Variants in R3HDM2 observed in about 807,000 individuals in gnomAD.
R3HDM2 encodes R3H domain-containing protein 2.
R3HDM2 carries 38 observed loss-of-function variants against 124.5 expected under a neutral mutation model. The observed-to-expected ratio is 0.31, with a 90% confidence interval of 0.24 to 0.40. R3HDM2 has a LOEUF of 0.40. R3HDM2 is among the 10% of genes least tolerant of loss of function. The probability of loss-of-function intolerance (pLI) is 1.00; values close to 1 mark genes in which losing one functional copy is unlikely to be tolerated. For missense variants in R3HDM2, 869 were observed against 1,236.9 expected, an observed-to-expected ratio of 0.70 and a Z score of 4.46; for synonymous variants, 391 against 448.0, an observed-to-expected ratio of 0.87 and a Z score of 1.61.
At chr12:57,419,464 C>G (rs972506030) in intron 1 of R3HDM2, among the ~76,000 whole-genome samples, 3 of 150,212 alleles carry the variant, frequency 2.0e-5, no homozygotes, top group African/African-American at 7.4e-5. Flanking sequence ...TTTTTAGAGA[C>G]AGGGTCTCAC....
chr12:57,394,256 C>A (rs1485689075), intron 2 of R3HDM2, among the ~76,000 whole-genome samples: 2 of 151,592 alleles, frequency 1.3e-5, no homozygotes, highest in East Asian at 3.9e-4. Flanking sequence ...GAGATCGCGC[C>A]ACTGCACTCC....
intron 2 of R3HDM2, among the ~76,000 whole-genome samples, chr12:57,316,211 A>C (rs1226334668): frequency 6.6e-6 from 1 of 152,228 alleles, no homozygotes; most frequent in African/African-American, 2.4e-5. Flanking sequence ...GCACCTCCCC[A>C]GACTTCCCTG....
chr12:57,409,464 T>TAA (rs1435275115), intron 1 of R3HDM2, among the ~76,000 whole-genome samples: 1 of 132,066 alleles, frequency 7.6e-6, no homozygotes, highest in Non-Finnish European at 1.6e-5. Context: ...AACTAACTGA[T>TAA]AAAGTAGAGT....
chr12:57,369,595 A>C (rs1349871806), intron 2 of R3HDM2, among the ~76,000 whole-genome samples: 1 of 152,186 alleles, frequency 6.6e-6, no homozygotes, highest in African/African-American at 2.4e-5. Flanking sequence ...AAGTAAGACT[A>C]TAAATACTTA....
At chr12:57,329,661 C>A (rs1183327205) in intron 2 of R3HDM2, among the ~76,000 whole-genome samples, 1 of 151,954 alleles carries the variant, frequency 6.6e-6, no homozygotes, top group African/African-American at 2.4e-5. Flanking sequence ...ATATAAATAG[C>A]CTCTACTAGG....
rs562167152 is a variant in R3HDM2 at position 57,358,987 on chromosome 12, G to A, written c.-36+36762C>T. 2.5e-4 allele frequency among the ~76,000 whole-genome samples: 37 copies of A among 150,958 alleles called. 1 individual carries two copies. The highest frequency in any genetic ancestry group is 5.3e-4 in the Admixed American group (8 of 15,048). ...GACTGGAATGCAGTGGTGCAATCTC[G>A]GCTCACTGCAACCTCCACCTCCTGG... On this transcript the variant is annotated intron_variant, in intron 2 of 23. Coordinates refer to ENST00000402412, the MANE Select transcript of R3HDM2 (RefSeq NM_001394031.1).
intron 1 of R3HDM2, among the ~76,000 whole-genome samples, chr12:57,429,451 C>T (rs1055022953): frequency 1.3e-5 from 2 of 152,132 alleles, no homozygotes; most frequent in South Asian, 2.1e-4. Context: ...TTTTGTCTTT[C>T]CCGGCGCGGT....
intron 1 of R3HDM2, among the ~76,000 whole-genome samples, chr12:57,400,504 G>C (rs2067952119): frequency 6.6e-6 from 1 of 152,028 alleles, no homozygotes; most frequent in African/African-American, 2.4e-5. Context: ...AATGGGTGCA[G>C]CACACCATCA....
At chr12:57,314,001 C>T (rs1244063332) in intron 2 of R3HDM2, among the ~76,000 whole-genome samples, 1 of 150,122 alleles carries the variant, frequency 6.7e-6, no homozygotes. Context: ...CCAGACTGAC[C>T]AACATGGAGA....
intron 1 of R3HDM2, chr12:57,418,511 T>A (rs1407049125): frequency 5.4e-6 from 1 of 183,894 alleles, no homozygotes; most frequent in Non-Finnish European, 1.0e-5. Flanking sequence ...TACTGAGATA[T>A]GGAGACTGTT....
At chr12:57,383,045 G>A (rs1010847814) in intron 2 of R3HDM2, among the ~76,000 whole-genome samples, 9 of 151,698 alleles carry the variant, frequency 5.9e-5, no homozygotes, top group South Asian at 2.1e-4. Flanking sequence ...CACCAGGCCC[G>A]GCTAATTTTT....
chr12:57,375,463 A>G (rs1380690212), intron 2 of R3HDM2, among the ~76,000 whole-genome samples: 1 of 152,156 alleles, frequency 6.6e-6, no homozygotes, highest in African/African-American at 2.4e-5. Context: ...TTTTTAGAGG[A>G]AAAAAATGGC....
chr12:57,391,014 A>G (rs2066598011), intron 2 of R3HDM2, among the ~76,000 whole-genome samples: 1 of 151,630 alleles, frequency 6.6e-6, no homozygotes, highest in Non-Finnish European at 1.5e-5. Context: ...CTCCGTCTCA[A>G]ATAAAAAAAA....
At chr12:57,409,390 G>A (rs919200371) in intron 1 of R3HDM2, among the ~76,000 whole-genome samples, 2 of 151,552 alleles carry the variant, frequency 1.3e-5, no homozygotes, top group African/African-American at 4.8e-5. Context: ...GTTCAAATGA[G>A]CATATTTATA....
intron 2 of R3HDM2, among the ~76,000 whole-genome samples, chr12:57,362,045 T>C (rs964783565): frequency 5.3e-5 from 8 of 152,120 alleles, no homozygotes; most frequent in African/African-American, 1.2e-4. Flanking sequence ...GGTGGGAGGA[T>C]TGCTTGAGCC....
intron 2 of R3HDM2, among the ~76,000 whole-genome samples, chr12:57,389,100 C>G (rs1340484792): frequency 6.6e-6 from 1 of 152,030 alleles, no homozygotes; most frequent in Non-Finnish European, 1.5e-5. Flanking sequence ...GAAATGCAAA[C>G]AAGAAGGAAA....
At chr12:57,394,919 A>G (rs2067255291) in intron 2 of R3HDM2, among the ~76,000 whole-genome samples, 2 of 152,218 alleles carry the variant, frequency 1.3e-5, no homozygotes, top group Admixed American at 1.3e-4. Context: ...ACTTTATAAA[A>G]AATTATAAGG....
chr12:57,296,476 C>T lies in R3HDM2; in HGVS notation c.636G>A (p.Gly212=), dbSNP rs377067762. The change falls in exon 9 of 24, where the codon GGG becomes GGA. Residue 212 remains glycine (G), a synonymous_variant. Coordinates refer to ENST00000402412, the MANE Select transcript of R3HDM2 (RefSeq NM_001394031.1). The surrounding 1 kb of genome is among the most constrained non-coding windows in gnomAD (Gnocchi z 4.5). The part of the protein sequence containing the change: ...MLLHRVAAYF[G]MDHNVDQTGK... ...CAGTTTGATCAACATTGTGGTCCAT[C>T]CCAAAATAGGCAGCTACCCGGTGTA... 39 of 1,552,166 alleles carry T rather than the reference C, an allele frequency of 2.5e-5. No homozygotes were observed. In the African/African-American group the frequency reaches 4.2e-4, roughly 17 times the overall value.
rs777162116 is a variant in R3HDM2 at position 57,418,564 on chromosome 12, C to CT, written c.-106+12155dup. 5.2e-3 allele frequency among the ~76,000 whole-genome samples: 740 copies of CT among 142,482 alleles called. 7 individuals carry two copies. In the East Asian group the frequency reaches 0.061, roughly 12 times the overall value. The allele number at this position is 142,482 out of a possible 152,430, so 93.5% of individuals were successfully genotyped here. A position where few individuals can be genotyped will look rare whatever the true frequency, so the allele number is the denominator to read the frequency against. On this transcript the variant is annotated intron_variant, in intron 1 of 23. Transcript: ENST00000402412. ...TAGGCTACCCTGACTTTGATATCTT[C>CT]TTTTTTTTTTTTTTTGTAAATGGAG...
Sources: allele counts gnomAD v4.1 joint callset (sites outside exome capture counted in the v4.1 genomes callset), GRCh38; gene constraint gnomAD v4.1.1; non-coding constraint Gnocchi (gnomAD v3.1); transcripts MANE v1.5; gene names NCBI Gene and HGNC (gene_info 2026-07-23, HGNC 2026-07-21).